EPB41L2: variants seen among roughly 807,000 people sequenced by gnomAD.
EPB41L2 encodes band 4.1-like protein 2.
A neutral mutation model predicts 113.0 loss-of-function variants in EPB41L2; 43 were observed. That is an observed-to-expected ratio of 0.38 (90% confidence interval 0.30 to 0.49). EPB41L2 has a LOEUF of 0.49. EPB41L2 is among the 20% of genes least tolerant of loss of function. EPB41L2 has a pLI of 0.95. For synonymous variants in EPB41L2, 442 were observed against 436.7 expected, an observed-to-expected ratio of 1.01 and a Z score of -0.15; for missense variants, 1,147 against 1,223.4, an observed-to-expected ratio of 0.94 and a Z score of 0.93.
At chr6:131,016,450 A>C (rs1470378386) in intron 1 of EPB41L2, among the ~76,000 whole-genome samples, 1 of 150,742 alleles carries the variant, frequency 6.6e-6, no homozygotes, top group East Asian at 2.0e-4. Context: ...ATCATCCTGC[A>C]AATATTTATT....
intron 1 of EPB41L2, among the ~76,000 whole-genome samples, chr6:130,965,623 G>A (rs1246393288): frequency 6.9e-6 from 1 of 145,120 alleles, no homozygotes; most frequent in Admixed American, 7.1e-5. Flanking sequence ...TGGGGAAAGT[G>A]GCCAATGGAT....
intron 1 of EPB41L2, among the ~76,000 whole-genome samples, chr6:131,060,429 A>G (rs1798432888): frequency 6.6e-6 from 1 of 152,240 alleles, no homozygotes; most frequent in Admixed American, 6.5e-5. Context: ...CATCTTTGCA[A>G]GTATTTTTAG....
rs1416655535 is a variant in EPB41L2, at chr6:130,867,561, C to G, written c.2628G>C (p.Glu876Asp). Residue 876 changes from glutamate (E) to aspartate (D), a missense_variant, in exon 16 of 20, where the codon GAG (glutamate) becomes GAC (aspartate). Physicochemically the swap from Glu to Asp is conservative, Grantham distance 45. Transcript: ENST00000337057. ...CCSEPPVVKTEMVTISDASQR... is the reference protein window; with the variant it reads ...CCSEPPVVKTDMVTISDASQR... ...GTGAGGCATCAGAAATTGTTACCATCTCTGTTTTTACCACTGGTGGCTGAG... is the reference window on the plus strand; with the variant it reads ...GTGAGGCATCAGAAATTGTTACCATGTCTGTTTTTACCACTGGTGGCTGAG... 2 of 1,613,834 alleles carry G rather than the reference C, an allele frequency of 1.2e-6. No homozygotes were observed. Among genetic ancestry groups the G allele is most frequent in the East Asian group, 4.5e-5 (2 of 44,846 alleles).
At chr6:130,877,567 C>G (rs570288867) in intron 14 of EPB41L2, among the ~76,000 whole-genome samples, 1 of 152,198 alleles carries the variant, frequency 6.6e-6, no homozygotes, top group African/African-American at 2.4e-5. Flanking sequence ...GTTTTTAAAA[C>G]ACAATTCTAA....
chr6:131,045,470 T>C (rs550472599), intron 1 of EPB41L2, among the ~76,000 whole-genome samples: 106 of 149,266 alleles, frequency 7.1e-4, no homozygotes, highest in African/African-American at 1.8e-3. Flanking sequence ...CAGATTAAAA[T>C]AGGTAAAGTC....
At chr6:130,943,218 G>A (rs1240533119) in intron 3 of EPB41L2, among the ~76,000 whole-genome samples, 3 of 152,176 alleles carry the variant, frequency 2.0e-5, no homozygotes, top group Admixed American at 6.5e-5. Flanking sequence ...CACCAACAGT[G>A]TAAAAGCGTT....
At chr6:131,032,957 CCT>C (rs1449849669) in intron 1 of EPB41L2, among the ~76,000 whole-genome samples, 11 of 152,306 alleles carry the variant, frequency 7.2e-5, no homozygotes, top group African/African-American at 2.2e-4. Flanking sequence ...CTTACTGCAA[CCT>C]CTGTCACCCG....
intron 13 of EPB41L2, 34 bp downstream of exon 13, chr6:130,880,110 T>C (rs770281651): frequency 1.3e-6 from 2 of 1,530,620 alleles, no homozygotes; most frequent in Non-Finnish European, 1.8e-6. Context: ...CGGGCAGCCA[T>C]TAGGACAGAG....
At chr6:130,883,303 A>G in intron 12 of EPB41L2, 1 of 152,482 alleles carries the variant, frequency 6.6e-6, no homozygotes, top group South Asian at 2.1e-4. Flanking sequence ...TAAAGGAGGG[A>G]CCATATTAAC....
At chr6:131,057,755 TG>T (rs1193084123) in intron 1 of EPB41L2, among the ~76,000 whole-genome samples, 1 of 152,202 alleles carries the variant, frequency 6.6e-6, no homozygotes, top group Non-Finnish European at 1.5e-5. Flanking sequence ...TGAAGGTTGA[TG>T]GTGAGGCCCT....
intron 1 of EPB41L2, among the ~76,000 whole-genome samples, chr6:131,018,677 T>C (rs1203536856): frequency 6.6e-6 from 1 of 152,246 alleles, no homozygotes; most frequent in African/African-American, 2.4e-5. Context: ...TAAGTCTAAA[T>C]GTAATGCATC....
rs376078462 is a variant in EPB41L2 at position 130,848,199 on chromosome 6, T to TCTCACACA, written c.*6-7602_*6-7601insTGTGTGAG. ...CTCTCTCTGTCTCTCTCTCTCTCTCTCACACACACACACACACACACACAC... is the reference window on the plus strand; with the variant it reads ...CTCTCTCTGTCTCTCTCTCTCTCTCTCTCACACACACACACACACACACACACACACAC... On this transcript the variant is annotated intron_variant, in intron 19 of 19. Transcript: ENST00000337057. Among the ~76,000 whole-genome samples the TCTCACACA allele has an allele frequency of 9.5e-3, 1,078 of 113,480 alleles. 19 individuals are homozygous for TCTCACACA. The highest frequency in any genetic ancestry group is 0.053 in the East Asian group (212 of 4,014). 74.4% of individuals were successfully genotyped at this position (113,480 alleles called of 152,430 possible).
At chr6:130,908,583 T>A (rs1343693586) in intron 5 of EPB41L2, among the ~76,000 whole-genome samples, 4 of 152,238 alleles carry the variant, frequency 2.6e-5, no homozygotes, top group African/African-American at 9.6e-5. Context: ...TGTCAGATGT[T>A]ACTTGGTAGG....
intron 8 of EPB41L2, among the ~76,000 whole-genome samples, chr6:130,895,847 T>A (rs1173024466): frequency 4.6e-5 from 7 of 152,232 alleles, no homozygotes; most frequent in African/African-American, 1.7e-4. Flanking sequence ...AGGCCTAAAT[T>A]ATGTTTTAAA....
intron 1 of EPB41L2, among the ~76,000 whole-genome samples, chr6:130,966,949 C>G (rs2128645394): frequency 6.6e-6 from 1 of 152,262 alleles, no homozygotes; most frequent in East Asian, 1.9e-4. Context: ...TTTCTGCCAG[C>G]CTTCACTTCA....
intron 1 of EPB41L2, among the ~76,000 whole-genome samples, chr6:130,984,046 T>C (rs1219834295): frequency 1.3e-5 from 2 of 152,216 alleles, no homozygotes; most frequent in African/African-American, 4.8e-5. Flanking sequence ...CTTTTTCTAT[T>C]TTTAAACTCT....
rs988307414 is a variant in EPB41L2 at position 131,063,204 on chromosome 6, C to G, written c.-64G>C. The G allele has an allele frequency of 6.5e-6, 1 of 152,828 alleles. No individual in the cohort carries two copies. Among genetic ancestry groups the G allele is most frequent in the Non-Finnish European group, 1.5e-5 (1 of 68,602 alleles). The allele number at this position is 152,828 out of a possible 1,614,324, so 9.5% of individuals were successfully genotyped here. On this transcript the variant is annotated 5_prime_UTR_variant, in exon 1 of 20. Transcript: ENST00000337057. Reference sequence around the variant, plus strand: ...CCCGTCCCTCTTCAGTCCCAGCCGCCGGCAGCCGCGCCTGCCTCCTCCCTC... The same window carrying G: ...CCCGTCCCTCTTCAGTCCCAGCCGCGGGCAGCCGCGCCTGCCTCCTCCCTC...
intron 1 of EPB41L2, among the ~76,000 whole-genome samples, chr6:131,019,506 T>C (rs577529790): frequency 1.4e-4 from 21 of 152,204 alleles, no homozygotes; most frequent in Non-Finnish European, 1.5e-4. Context: ...TGTGCTATTA[T>C]CATATTGCTA....
Position 130,958,431 on chromosome 6 carries a change from G to A in EPB41L2, c.-14-1932C>T, listed in dbSNP as rs190866560. Among the ~76,000 whole-genome samples the A allele has an allele frequency of 2.9e-3, 352 of 123,326 alleles. 10 individuals carry two copies. In the Admixed American group the frequency reaches 0.032, roughly 11 times the overall value. The allele number at this position is 123,326 out of a possible 152,430, so 80.9% of individuals were successfully genotyped here. On this transcript the variant is annotated intron_variant, in intron 1 of 19. Coordinates refer to ENST00000337057, the MANE Select transcript of EPB41L2 (RefSeq NM_001431.4). Reference sequence around the variant, plus strand: ...TGTGTCACTGCACTCCAGTCTAGGCGACAAAACAAGACCCTGTCTCAAAAC... The same window carrying A: ...TGTGTCACTGCACTCCAGTCTAGGCAACAAAACAAGACCCTGTCTCAAAAC...
Sources: allele counts gnomAD v4.1 joint callset (sites outside exome capture counted in the v4.1 genomes callset), GRCh38; gene constraint gnomAD v4.1.1; transcripts MANE v1.5; gene names NCBI Gene and HGNC (gene_info 2026-07-23, HGNC 2026-07-21).